Variants in COL22A1 observed in about 807,000 individuals in gnomAD.
COL22A1 encodes collagen type XXII alpha 1 chain, also known as collagen alpha-1(XXII) chain.
COL22A1 carries 221 observed loss-of-function variants against 248.9 expected under a neutral mutation model. That is an observed-to-expected ratio of 0.89 (90% CI 0.80 to 0.99). The LOEUF (loss-of-function observed/expected upper bound fraction) is 0.99. Among genes scored for constraint, COL22A1 ranks in the 50% least tolerant of loss-of-function variants. The pLI is 0.00. For missense variants in COL22A1, 2,240 were observed against 2,179.0 expected (o/e 1.03, Z -0.56); for synonymous variants, 891 against 793.4 (o/e 1.12, Z -2.07).
chr8:138,832,214 A>G (rs1820098083), intron 5 of COL22A1, among the ~76,000 whole-genome samples: 1 of 152,126 alleles, frequency 6.6e-6, no homozygotes, highest in African/African-American at 2.4e-5. Context: ...AAATAACCAT[A>G]AAAATGGGCA....
At chr8:138,843,444 G>T (rs1467267796) in intron 4 of COL22A1, among the ~76,000 whole-genome samples, 1 of 152,158 alleles carries the variant, frequency 6.6e-6, no homozygotes, top group Admixed American at 6.5e-5. Flanking sequence ...GTGGCTTCCT[G>T]GTTGGGAGTT....
intron 1 of COL22A1, among the ~76,000 whole-genome samples, chr8:138,895,814 T>C (rs1825372806): frequency 6.6e-6 from 1 of 152,180 alleles, no homozygotes; most frequent in Non-Finnish European, 1.5e-5. Context: ...ATCCTATTTA[T>C]CCCCAAACAG....
In COL22A1 at chr8:138,623,786, C is replaced by A; in HGVS notation, c.3718-1G>T. 1 of 1,612,564 alleles carries A rather than the reference C, an allele frequency of 6.2e-7. No homozygotes were observed. Among genetic ancestry groups the A allele is most frequent in the Non-Finnish European group, 8.5e-7 (1 of 1,179,422 alleles). Reference sequence around the variant, plus strand: ...CTCTGCCCTCTTTGCCTTCTTCTCCCTGCAAGAGAAACTCAAATTGGTTAT... The same window carrying A: ...CTCTGCCCTCTTTGCCTTCTTCTCCATGCAAGAGAAACTCAAATTGGTTAT... On this transcript the variant is annotated splice_acceptor_variant, in intron 51 of 64. Coordinates refer to ENST00000303045, the MANE Select transcript of COL22A1 (RefSeq NM_152888.3). LOFTEE classifies it high-confidence loss of function.
Position 138,807,725 on chromosome 8 carries a change from C to G in COL22A1, c.1494+43G>C, listed in dbSNP as rs373756193. 85 of 1,592,356 alleles carry G rather than the reference C, an allele frequency of 5.3e-5. No individual in the cohort carries two copies. The African/African-American group carries it at 1.1e-3, about 20-fold the overall frequency. ...CTTATATAGACAGCAAAGGAGAGGA[C>G]AAGTGAGGTTCTAAACTACACCTCT... On this transcript the variant is annotated intron_variant, in intron 10 of 64. Coordinates refer to ENST00000303045, the MANE Select transcript of COL22A1 (RefSeq NM_152888.3).
intron 3 of COL22A1, among the ~76,000 whole-genome samples, chr8:138,869,140 C>T (rs925874397): frequency 1.3e-5 from 2 of 152,168 alleles, no homozygotes; most frequent in Admixed American, 6.5e-5. Flanking sequence ...CTGGGTGACC[C>T]AGCTCCAGAG....
intron 11 of COL22A1, among the ~76,000 whole-genome samples, chr8:138,798,211 T>A (rs1816714431): frequency 6.6e-6 from 1 of 151,696 alleles, no homozygotes; most frequent in Non-Finnish European, 1.5e-5. Context: ...TTGATCTTGT[T>A]ATTATAAACT....
At position 138,602,098 on chromosome 8, in the gene COL22A1, C is replaced by T. The variant is rs1818069495; in HGVS notation, c.4185+17G>A. ...GTCGCGTTCGGCGTGTTCAAGGTGC[C>T]TGTGCTCTCCACTCACCCTTTCTCC... On this transcript the variant is annotated intron_variant, in intron 60 of 64. Coordinates refer to ENST00000303045, the MANE Select transcript of COL22A1 (RefSeq NM_152888.3). 5 of 1,614,030 alleles carry T rather than the reference C, an allele frequency of 3.1e-6. No homozygotes were observed. In the South Asian group the frequency reaches 4.4e-5, roughly 14 times the overall value.
At chr8:138,834,112 G>T (rs140252906) in intron 4 of COL22A1, among the ~76,000 whole-genome samples, 3 of 152,108 alleles carry the variant, frequency 2.0e-5, no homozygotes, top group African/African-American at 7.2e-5. Flanking sequence ...GACAACACTC[G>T]TTCTGGAGGC....
At chr8:138,860,454 T>C (rs17740495) in intron 3 of COL22A1, among the ~76,000 whole-genome samples, 12,369 of 152,232 alleles carry the variant, frequency 0.081, 550 homozygotes, top group Non-Finnish European at 0.092. Flanking sequence ...CTTCTCTGGA[T>C]CTCAAGCTTT....
rs558136853 is a variant in COL22A1 at position 138,843,691 on chromosome 8, T to C, written c.733+393A>G. Reference sequence around the variant, plus strand: ...ACGTGTCTCTTTGTTCTCTCACCCATTGATTCACTCATATATTTATAACTC... The same window carrying C: ...ACGTGTCTCTTTGTTCTCTCACCCACTGATTCACTCATATATTTATAACTC... On this transcript the variant is annotated intron_variant, in intron 4 of 64. Transcript: ENST00000303045. 3.7e-4 allele frequency among the ~76,000 whole-genome samples: 56 copies of C among 152,324 alleles called. No individual in the cohort carries two copies. In the South Asian group the frequency reaches 9.7e-3, roughly 26 times the overall value.
rs950402298 is a variant in COL22A1 at position 138,646,625 on chromosome 8, T to C, written c.3501+4A>G. On this transcript the variant is annotated splice_donor_region_variant and intron_variant, in intron 47 of 64. Transcript: ENST00000303045. ...CATGCAGATGGTTATGAAGTCTCAC[T>C]GACCTGTGGTCCAGCTATTCCTGGG... 2 of 1,580,236 alleles carry C rather than the reference T, an allele frequency of 1.3e-6. No homozygotes were observed. The highest frequency in any genetic ancestry group is 1.7e-6 in the Non-Finnish European group (2 of 1,162,076).
At chr8:138,779,415 T>C in intron 14 of COL22A1, 94 bp downstream of exon 14, 1 of 801,382 alleles carries the variant, frequency 1.2e-6, no homozygotes, top group East Asian at 2.5e-5. Flanking sequence ...AGGGAACCTA[T>C]CTGAGCATCT....
rs149237402 is a variant in COL22A1, at chr8:138,759,336, G to A, written c.1902+907C>T. 2.2e-3 allele frequency among the ~76,000 whole-genome samples: 341 copies of A among 152,278 alleles called. 6 individuals carry two copies. The highest frequency in any genetic ancestry group is 0.017 in the East Asian group (86 of 5,170). ...ACAATGACCTTCACCTGAACTCTGC[G>A]GTGAGCCGCTCTGAGAAGAAGCGAT... is the stretch of plus-strand genomic sequence containing the variant. On this transcript the variant is annotated intron_variant, in intron 18 of 64. Coordinates refer to ENST00000303045, the MANE Select transcript of COL22A1 (RefSeq NM_152888.3).
Position 138,691,619 on chromosome 8 carries a change from G to A in COL22A1, c.2755-745C>T, listed in dbSNP as rs543789925. Among the ~76,000 whole-genome samples the A allele has an allele frequency of 5.7e-4, 86 of 152,088 alleles. 1 individual carries two copies. The South Asian group carries it at 0.013, about 23-fold the overall frequency. ...GGTGTGTGTGCATGCATGTGTGCAC[G>A]TTTGTGGAGGTGTATGTGTGCACGT... On this transcript the variant is annotated intron_variant, in intron 35 of 64. Transcript: ENST00000303045.
intron 41 of COL22A1, among the ~76,000 whole-genome samples, chr8:138,666,866 C>T (rs1047731950): frequency 8.5e-5 from 13 of 152,158 alleles, no homozygotes; most frequent in East Asian, 1.9e-4. Flanking sequence ...AATTAAAGGT[C>T]TTCATTTCAA....
rs1185758696 is a variant in COL22A1, at chr8:138,661,083, CACAA to C, written c.3241-607_3241-604del. ...ACACACCCACATACACATACATACA[CACAA>C]ACATACACACACACACACACAGACA... On this transcript the variant is annotated intron_variant, in intron 43 of 64. Transcript: ENST00000303045. Among the ~76,000 whole-genome samples, 4 of 105,938 alleles carry C rather than the reference CACAA, an allele frequency of 3.8e-5. No individual in the cohort carries two copies. In the East Asian group the frequency reaches 8.1e-4, roughly 21 times the overall value. The allele number at this position is 105,938 out of a possible 152,430, so 69.5% of individuals were successfully genotyped here.
At chr8:138,652,904 G>A (rs1398546399) in intron 45 of COL22A1, among the ~76,000 whole-genome samples, 1 of 151,446 alleles carries the variant, frequency 6.6e-6, no homozygotes, top group African/African-American at 2.4e-5. Flanking sequence ...ATGCTACCAC[G>A]TCTGACTAAT....
intron 45 of COL22A1, among the ~76,000 whole-genome samples, chr8:138,651,645 G>A (rs1056331117): frequency 3.1e-5 from 4 of 130,864 alleles, no homozygotes; most frequent in Non-Finnish European, 7.0e-5. Flanking sequence ...GCTGAAAGGA[G>A]CTCGCCTCTT....
chr8:138,790,171 T>C (rs56344127), intron 12 of COL22A1, among the ~76,000 whole-genome samples: 1,721 of 152,236 alleles, frequency 0.011, 40 homozygotes, highest in African/African-American at 0.039. Context: ...AAGATCAAGG[T>C]GCCGTCAGAT....
Sources: gnomAD v4.1 joint callset for allele counts (sites outside exome capture counted in the v4.1 genomes callset) on GRCh38, gnomAD v4.1.1 for gene constraint, MANE v1.5 for transcripts, NCBI Gene and HGNC (gene_info 2026-07-23, HGNC 2026-07-21) for gene names.